The following ANK3 variants were observed in gnomAD, a reference collection of about 807,000 sequenced individuals.
ANK3 encodes ankyrin 3.
Under a neutral mutation model 370.9 loss-of-function variants are expected in ANK3, and 57 were observed. The ratio of observed to expected loss-of-function variants is 0.15; its 90% CI spans 0.12 to 0.19. The LOEUF (loss-of-function observed/expected upper bound fraction) is 0.19, where lower values mean the gene tolerates loss of function less well. Among genes scored for constraint, ANK3 ranks in the 10% least tolerant of loss-of-function variants. The probability of loss-of-function intolerance (pLI) is 1.00; values close to 1 mark genes in which losing one functional copy is unlikely to be tolerated. For synonymous variants in ANK3, 1,929 were observed against 1,946.3 expected (o/e 0.99, Z 0.23); for missense variants, 4,439 against 5,302.1 (o/e 0.84, Z 5.06).
At chr10:60,118,478 G>A (rs185652545) in intron 25 of ANK3, among the ~76,000 whole-genome samples, 186 of 152,188 alleles carry the variant, frequency 1.2e-3, no homozygotes, top group African/African-American at 4.4e-3. Context: ...ATTCTAACCC[G>A]TCAAAAGCAA....
chr10:60,554,645 A>G (rs1480122853), intron 2 of ANK3, among the ~76,000 whole-genome samples: 1 of 152,222 alleles, frequency 6.6e-6, no homozygotes, highest in Non-Finnish European at 1.5e-5. Context: ...ATAGATGCTG[A>G]CATCTTCATG....
At chr10:60,346,301 T>TA (rs34457459) in intron 1 of ANK3, among the ~76,000 whole-genome samples, 3 of 151,144 alleles carry the variant, frequency 2.0e-5, no homozygotes, top group African/African-American at 4.9e-5. Flanking sequence ...CAAAAAAGGT[T>TA]AAAAAAAAAG....
intron 2 of ANK3, among the ~76,000 whole-genome samples, chr10:60,459,502 A>C (rs1595073383): frequency 1.3e-5 from 2 of 152,102 alleles, no homozygotes; most frequent in Non-Finnish European, 2.9e-5. Context: ...GTCTTTACTC[A>C]GCTATTTTTT....
intron 1 of ANK3, among the ~76,000 whole-genome samples, chr10:60,318,601 T>C (rs2047964887): frequency 6.6e-6 from 1 of 152,180 alleles, no homozygotes; most frequent in Non-Finnish European, 1.5e-5. Context: ...CTCTGAACTC[T>C]GGGAAGCAGA....
intron 1 of ANK3, among the ~76,000 whole-genome samples, chr10:60,691,892 G>T (rs56197302): frequency 6.6e-6 from 1 of 152,034 alleles, no homozygotes; most frequent in Non-Finnish European, 1.5e-5. Context: ...GCATATACAC[G>T]TGTACCTGTG....
At chr10:60,261,797 G>C in intron 7 of ANK3, 62 bp downstream of exon 7, 1 of 1,455,200 alleles carries the variant, frequency 6.9e-7, no homozygotes. Flanking sequence ...CTCATGTTGG[G>C]GAAAGAGAGT....
At chr10:60,586,770 A>G (rs1483059860) in intron 2 of ANK3, among the ~76,000 whole-genome samples, 1 of 152,218 alleles carries the variant, frequency 6.6e-6, no homozygotes, top group African/African-American at 2.4e-5. Context: ...TAAAAAGTAG[A>G]AATTGCATGT....
At chr10:60,406,850 CT>C (rs773593146) in intron 2 of ANK3, among the ~76,000 whole-genome samples, 1 of 152,124 alleles carries the variant, frequency 6.6e-6, no homozygotes, top group Non-Finnish European at 1.5e-5. Context: ...TTGTTTTTGT[CT>C]TTTTTCATTA....
chr10:60,439,655 C>T (rs1056258215), intron 2 of ANK3, among the ~76,000 whole-genome samples: 1 of 152,174 alleles, frequency 6.6e-6, no homozygotes, highest in Non-Finnish European at 1.5e-5. Flanking sequence ...ACTGAGGATA[C>T]ACGCAAACAC....
intron 1 of ANK3, among the ~76,000 whole-genome samples, chr10:60,349,031 C>A (rs1332635386): frequency 6.6e-6 from 1 of 151,868 alleles, no homozygotes; most frequent in Non-Finnish European, 1.5e-5. Context: ...CTTGAAGAAG[C>A]CCTGCTCCAA....
intron 2 of ANK3, among the ~76,000 whole-genome samples, chr10:60,462,434 C>T (rs149434437): frequency 2.0e-5 from 3 of 152,116 alleles, no homozygotes; most frequent in East Asian, 1.9e-4. Flanking sequence ...CTGCTATATA[C>T]GTGTTTATAT....
rs769924546 is a variant in ANK3, at chr10:60,083,549, C to T, written c.4143G>A (p.Gln1381=). The T allele has an allele frequency of 1.2e-6, 2 of 1,611,614 alleles. No individual in the cohort carries two copies. Among genetic ancestry groups the T allele is most frequent in the Non-Finnish European group, 1.7e-6 (2 of 1,178,800 alleles). The change falls in exon 33 of 44, where the codon CAG becomes CAA. Residue 1381 remains glutamine, a synonymous_variant. Transcript: ENST00000280772. ...AAGAATAAAAGTTAAAAACAAGTTG[C>T]TGTCCTCCTTTGGTAAGTGGGGCCA... ...GNLAPLTKGG[Q]QLVFNFYSFK...
Position 60,667,551 on chromosome 10 carries a change from G to A in ANK3, c.58-52327C>T, listed in dbSNP as rs535728590. Among the ~76,000 whole-genome samples, 356 of 146,918 alleles carry A rather than the reference G, an allele frequency of 2.4e-3. 17 individuals are homozygous for A. The highest frequency in any genetic ancestry group is 9.2e-3 in the African/African-American group (337 of 36,480). ...TCTCTAAAGAGACATCAAAGTCATC[G>A]TAGATATAGGAAGCCAGATAATCTT... On this transcript the variant is annotated intron_variant, in intron 1 of 43. Transcript: ENST00000373827.
In ANK3 at chr10:60,593,995, C is replaced by T. The variant is rs145404580; in HGVS notation, c.96+21191G>A. 3.3e-3 allele frequency among the ~76,000 whole-genome samples: 498 copies of T among 152,282 alleles called. 5 individuals carry two copies. Among genetic ancestry groups the T allele is most frequent in the Non-Finnish European group, 4.0e-3 (270 of 68,020 alleles). On this transcript the variant is annotated intron_variant, in intron 2 of 43. Coordinates refer to the ANK3 transcript ENST00000373827. ...CAAATTAGGATAAGTCACATGTTTA[C>T]GTAGTCCCATTGAAGCTTCCTTCCC...
chr10:60,727,909 G>A (rs1239150077), intron 1 of ANK3, among the ~76,000 whole-genome samples: 4 of 151,988 alleles, frequency 2.6e-5, no homozygotes, highest in Admixed American at 1.3e-4. Flanking sequence ...TTCCCCATGT[G>A]TGCCTGATAC....
intron 1 of ANK3, among the ~76,000 whole-genome samples, chr10:60,319,759 A>G (rs943146560): frequency 1.3e-5 from 2 of 152,106 alleles, no homozygotes; most frequent in African/African-American, 4.8e-5. Context: ...AAATCTAACA[A>G]AATGTAAAAA....
rs373140685 is a variant in ANK3, at chr10:60,314,600, A to C, written c.115-34961T>G. 7.9e-5 allele frequency among the ~76,000 whole-genome samples: 12 copies of C among 152,318 alleles called. No homozygotes were observed. The South Asian group carries it at 2.5e-3, about 32-fold the overall frequency. On this transcript the variant is annotated intron_variant, in intron 1 of 43. Transcript: ENST00000280772. ...GTATTTCTGTGGAACAATCCCATGA[A>C]TATACAACTGTAAAAGCATAACTGG... is the stretch of plus-strand genomic sequence containing the variant.
At chr10:60,193,290 T>G (rs778298771) in intron 16 of ANK3, among the ~76,000 whole-genome samples, 1 of 152,028 alleles carries the variant, frequency 6.6e-6, no homozygotes, top group Non-Finnish European at 1.5e-5. Flanking sequence ...TAGAGAACTA[T>G]GAATACTAAG....
In ANK3 at chr10:60,080,753, A is replaced by AT. The variant is rs2085008590; in HGVS notation, c.4351-136dup. The AT allele has an allele frequency of 3.7e-6, 3 of 801,966 alleles. No homozygotes were observed. The East Asian group carries it at 8.3e-5, about 22-fold the overall frequency. The allele number at this position is 801,966 out of a possible 1,614,324, so 49.7% of individuals were successfully genotyped here. On this transcript the variant is annotated intron_variant, in intron 35 of 43. Transcript: ENST00000280772. ...TAGGAAATGTTAATTTCCCACTGGG[A>AT]TTTTGTAACCCCACCCCCCATGTCT...
Sources: allele counts gnomAD v4.1 joint callset (sites outside exome capture counted in the v4.1 genomes callset), GRCh38; gene constraint gnomAD v4.1.1; transcripts MANE v1.5; gene names NCBI Gene and HGNC (gene_info 2026-07-23, HGNC 2026-07-21).